Variants in CDC25B observed in about 807,000 individuals in gnomAD.
CDC25B encodes the protein cell division cycle 25B.
CDC25B carries 33 observed loss-of-function variants against 69.8 expected under a neutral mutation model. The observed-to-expected ratio is 0.47, with a 90% CI of 0.36 to 0.63. CDC25B has a LOEUF of 0.63. CDC25B is among the 30% of genes least tolerant of loss of function. The pLI is 0.00. For missense variants in CDC25B, 727 were observed against 809.1 expected (o/e 0.90, Z 1.23); for synonymous variants, 341 against 314.6 (o/e 1.08, Z -0.89).
intron 5 of CDC25B, 45 bp downstream of exon 5, chr20:3,800,543 G>A: frequency 6.2e-7 from 1 of 1,609,094 alleles, no homozygotes; most frequent in Non-Finnish European, 8.5e-7. Flanking sequence ...ATGCTAGCCA[G>A]GCATGGGGTA....
Position 3,803,082 on chromosome 20 carries a change from G to A in CDC25B, c.1258-26G>A. Reference sequence around the variant, plus strand: ...TGCCAGCTGCCAGCCTGACCTGCCGGAACCAACCCCCATGACCTCCTACAG... The same window carrying A: ...TGCCAGCTGCCAGCCTGACCTGCCGAAACCAACCCCCATGACCTCCTACAG... On this transcript the variant is annotated intron_variant, in intron 12 of 15. Transcript: ENST00000245960. This position sits in a 1 kb window ranked among gnomAD's most constrained non-coding sequence, Gnocchi z 4.9. The A allele has an allele frequency of 6.2e-7, 1 of 1,607,784 alleles. No individual in the cohort carries two copies. The highest frequency in any genetic ancestry group is 8.5e-7 in the Non-Finnish European group (1 of 1,174,382).
At position 3,803,960 on chromosome 20, in the gene CDC25B, G is replaced by T. The variant is rs1319585630; in HGVS notation, c.1490+423G>T. ...CTCCTTCTGTCGCTATTCCTGTTCTGCCTGGCCATCTGTCCTCCCACCCCT... is the reference window on the plus strand; with the variant it reads ...CTCCTTCTGTCGCTATTCCTGTTCTTCCTGGCCATCTGTCCTCCCACCCCT... On this transcript the variant is annotated intron_variant, in intron 14 of 15. Transcript: ENST00000245960. This position sits in a 1 kb window ranked among gnomAD's most constrained non-coding sequence, Gnocchi z 4.9. Among the ~76,000 whole-genome samples the T allele has an allele frequency of 1.3e-5, 2 of 152,096 alleles. No individual in the cohort carries two copies. The highest frequency in any genetic ancestry group is 2.9e-5 in the Non-Finnish European group (2 of 68,014).
chr20:3,797,521 G>A (rs925008361), intron 1 of CDC25B, 101 bp from the exon 2 acceptor site: 14 of 1,443,408 alleles, frequency 9.7e-6, no homozygotes, highest in African/African-American at 4.2e-5. Context: ...GTAGTGTTTC[G>A]CTCAGTTCTT....
At chr20:3,800,699 T>G (rs746114677) in intron 5 of CDC25B, 44 bp from the exon 6 acceptor site, 1 of 1,602,390 alleles carries the variant, frequency 6.2e-7, no homozygotes, top group South Asian at 1.1e-5. Flanking sequence ...GCCGGAGGAA[T>G]GCAGCCTTCA....
intron 1 of CDC25B, among the ~76,000 whole-genome samples, chr20:3,790,933 T>A (rs528773791): frequency 4.5e-4 from 69 of 152,240 alleles, no homozygotes; most frequent in Admixed American, 2.0e-4. Context: ...CTCGAACTCC[T>A]GAGCTCAAGC....
upstream of CDC25B, chr20:3,796,150 C>T (rs550079743): frequency 9.0e-7 from 1 of 1,115,416 alleles, no homozygotes; most frequent in Non-Finnish European, 1.1e-6. Flanking sequence ...ATTCCTCCGG[C>T]CCACCCAAAG....
rs779006860 is a variant in CDC25B, at chr20:3,803,365, G to A, written c.1357-39G>A. On this transcript the variant is annotated intron_variant, in intron 13 of 15. Transcript: ENST00000245960. This position sits in a 1 kb window ranked among gnomAD's most constrained non-coding sequence, Gnocchi z 4.9. ...CTGCACGGGGAGGGCCCTGACTCCT[G>A]GACCCGGGGCTGTGCCTGACCTCTG... is the stretch of plus-strand genomic sequence containing the variant. 2.5e-6 allele frequency: 4 copies of A among 1,613,702 alleles called. No homozygotes were observed. The highest frequency in any genetic ancestry group is 2.5e-6 in the Non-Finnish European group (3 of 1,179,846).
exon 1 of CDC25B, chr20:3,787,012 G>A (rs2088836192): frequency 3.3e-6 from 2 of 600,694 alleles, no homozygotes; most frequent in Non-Finnish European, 5.8e-6. Context: ...AAAAGAATAA[G>A]AACCAGGGTT....
Position 3,800,800 on chromosome 20 carries a change from G to A in CDC25B, c.517G>A (p.Asp173Asn), listed in dbSNP as rs780196030. The change falls in exon 6 of 16, where the codon GAC becomes AAC. Residue 173 changes from aspartate to asparagine, a missense_variant. Physicochemically the swap from Asp to Asn is conservative, Grantham distance 23. Transcript: ENST00000245960. ...GAACATCACCAACTCCCAGGCGCCC[G>A]ACGGCCGGAGGAAGAGCGAGGCGGG... ...LRNITNSQAP[D>N]GRRKSEAGSG... is the part of the protein sequence containing the mutation. 23 of 1,612,680 alleles carry A rather than the reference G, an allele frequency of 1.4e-5. No individual in the cohort carries two copies. The East Asian group carries it at 1.6e-4, about 11-fold the overall frequency.
chr20:3,802,841 T>C (rs1019959252), intron 11 of CDC25B, 69 bp from the exon 12 acceptor site: 3 of 1,322,794 alleles, frequency 2.3e-6, no homozygotes, highest in Non-Finnish European at 3.3e-6. Flanking sequence ...TGAAACTTCA[T>C]TCTTTGAGGC....
rs764466123 is a variant in CDC25B, at chr20:3,801,070, C to T, written c.682C>T (p.Pro228Ser). ...ASRREAFAQRPSSAPDLMCLS... is the reference protein window; with the variant it reads ...ASRREAFAQRSSSAPDLMCLS... The stretch of plus-strand genomic sequence containing the variant: ...CCGCAGGGAAGCCTTTGCCCAGAGA[C>T]CCAGCTCGGCCCCCGACCTGATGGT... The change falls in exon 7 of 16, where the codon CCC becomes TCC. Residue 228 changes from proline (P) to serine (S), a missense_variant. Physicochemically the swap from Pro to Ser is moderately conservative, Grantham distance 74. Transcript: ENST00000245960. The T allele has an allele frequency of 2.7e-5, 43 of 1,613,958 alleles. No homozygotes were observed. Among genetic ancestry groups the T allele is most frequent in the Non-Finnish European group, 3.5e-5 (41 of 1,179,946 alleles).
chr20:3,805,561 G>A lies in CDC25B; in HGVS notation c.*600G>A, dbSNP rs764834161. The A allele has an allele frequency of 2.5e-6, 1 of 392,334 alleles. No individual in the cohort carries two copies. Among genetic ancestry groups the A allele is most frequent in the Non-Finnish European group, 4.5e-6 (1 of 222,560 alleles). 24.3% of individuals were successfully genotyped at this position (392,334 alleles called of 1,614,324 possible). A position where few individuals can be genotyped will look rare whatever the true frequency, so the allele number is the denominator to read the frequency against. ...TCAGTGTTACCTGTGTGCTTGGTCT[G>A]TTTGACTTTACGCCCATCTCAGGAC... On this transcript the variant is annotated 3_prime_UTR_variant, in exon 16 of 16. Transcript: ENST00000245960.
At position 3,803,339 on chromosome 20, in the gene CDC25B, A is replaced by T. The variant is rs1047321526; in HGVS notation, c.1357-65A>T. 3 of 1,609,772 alleles carry T rather than the reference A, an allele frequency of 1.9e-6. No individual in the cohort carries two copies. Among genetic ancestry groups the T allele is most frequent in the Middle Eastern group, 1.7e-4 (1 of 6,026 alleles). On this transcript the variant is annotated intron_variant, in intron 13 of 15. Transcript: ENST00000245960. The surrounding 1 kb of genome is among the most constrained non-coding windows in gnomAD (Gnocchi z 4.9). ...GGTTCCTACTAAGAGAAGGACAGCG[A>T]CTGCACGGGGAGGGCCCTGACTCCT...
rs764188260 is a variant in CDC25B, at chr20:3,798,464, G to A, written c.380+1G>A. ...TGGACCCCCACATGGCGGAGCAGACGTGAGTAGAGAAGGGAATGTGTACTT... is the reference window on the plus strand; with the variant it reads ...TGGACCCCCACATGGCGGAGCAGACATGAGTAGAGAAGGGAATGTGTACTT... On this transcript the variant is annotated splice_donor_variant, in intron 3 of 15. Transcript: ENST00000245960. LOFTEE classifies it high-confidence loss of function. 3.8e-6 allele frequency: 6 copies of A among 1,595,998 alleles called. No individual in the cohort carries two copies. Among genetic ancestry groups the A allele is most frequent in the Non-Finnish European group, 4.3e-6 (5 of 1,169,838 alleles).
Position 3,802,895 on chromosome 20 carries a change from T to C in CDC25B, c.1195-15T>C. On this transcript the variant is annotated splice_polypyrimidine_tract_variant and intron_variant, in intron 11 of 15. Transcript: ENST00000245960. Reference sequence around the variant, plus strand: ...AACTTTCTCCCCTCTCCCTCATCCCTTCCGTTCCCTTCAGGCCTTCCTCCT... The same window carrying C: ...AACTTTCTCCCCTCTCCCTCATCCCCTCCGTTCCCTTCAGGCCTTCCTCCT... The C allele has an allele frequency of 6.2e-7, 1 of 1,609,448 alleles. No individual in the cohort carries two copies. The highest frequency in any genetic ancestry group is 1.1e-5 in the South Asian group (1 of 90,972).
chr20:3,802,425 A>G, intron 11 of CDC25B, 49 bp downstream of exon 11: 1 of 1,314,458 alleles, frequency 7.6e-7, no homozygotes, highest in East Asian at 2.3e-5. Context: ...CCTCTTACTG[A>G]CTAGGGGTCC....
rs2089421196 is a variant in CDC25B, at chr20:3,804,852, T to G, written c.1634T>G (p.Met545Arg). ...TGTGAACCCCAGGACTACCGGCCCA[T>G]GAACCACGAGGCCTTCAAGGATGAG... ...NFCEPQDYRP[M>R]NHEAFKDELK... Residue 545 changes from methionine to arginine, a missense_variant, in exon 16 of 16, where the codon ATG becomes AGG. Around this residue, in one of 2 missense-constraint regions of CDC25B, gnomAD observed 359 missense variants for 463.4 expected, o/e 0.77. Coordinates refer to ENST00000245960, the MANE Select transcript of CDC25B (RefSeq NM_021873.4). 1 of 1,614,160 alleles carries G rather than the reference T, an allele frequency of 6.2e-7. No homozygotes were observed. Among genetic ancestry groups the G allele is most frequent in the Non-Finnish European group, 8.5e-7 (1 of 1,180,010 alleles).
chr20:3,793,682 C>T, upstream of CDC25B, among the ~76,000 whole-genome samples: 1 of 149,772 alleles, frequency 6.7e-6, no homozygotes, highest in Non-Finnish European at 1.5e-5. Context: ...ATGTGCCATG[C>T]TGGTGTGCTA....
At chr20:3,787,594 A>C (rs2088846684) in intron 1 of CDC25B, among the ~76,000 whole-genome samples, 1 of 152,232 alleles carries the variant, frequency 6.6e-6, no homozygotes, top group Non-Finnish European at 1.5e-5. Flanking sequence ...CATAAGTGTG[A>C]ATCCCTGAAG....
Sources: gnomAD v4.1 joint callset for allele counts (sites outside exome capture counted in the v4.1 genomes callset) on GRCh38, gnomAD v4.1.1 for gene constraint, gnomAD v4.1.1 regional missense constraint, Gnocchi (gnomAD v3.1) non-coding constraint, MANE v1.5 for transcripts, NCBI Gene and HGNC (gene_info 2026-07-23, HGNC 2026-07-21) for gene names.